MTSS1: variants seen among roughly 807,000 people sequenced by gnomAD.
The protein encoded by MTSS1 is MTSS I-BAR domain containing 1, also known as protein MTSS 1.
A neutral mutation model predicts 79.0 loss-of-function variants in MTSS1; 18 were observed. The ratio of observed to expected loss-of-function variants is 0.23; its 90% CI spans 0.16 to 0.34. MTSS1 has a LOEUF of 0.34. Ranked by LOEUF, MTSS1 falls within the 10% of genes least tolerant of loss-of-function variation. The pLI is 1.00. For synonymous variants in MTSS1, 341 were observed against 368.6 expected, an observed-to-expected ratio of 0.93 and a Z score of 0.86; for missense variants, 815 against 986.2, an observed-to-expected ratio of 0.83 and a Z score of 2.33.
At chr8:124,557,945 A>T (rs1396790133) in intron 10 of MTSS1, 70 bp from the exon 11 acceptor site, 2 of 1,243,038 alleles carry the variant, frequency 1.6e-6, no homozygotes, top group African/African-American at 3.0e-5. Flanking sequence ...GCGGAGATAC[A>T]AAATGGCATT....
chr8:124,631,532 G>A (rs928696877), intron 3 of MTSS1, among the ~76,000 whole-genome samples: 6 of 152,132 alleles, frequency 3.9e-5, no homozygotes, highest in African/African-American at 7.2e-5. Context: ...TGACCTCACC[G>A]TGCACCAGAC....
At chr8:124,722,355 G>A (rs368167735) in intron 1 of MTSS1, among the ~76,000 whole-genome samples, 25 of 152,118 alleles carry the variant, frequency 1.6e-4, no homozygotes, top group African/African-American at 2.9e-4. Context: ...CAAACAAATC[G>A]GGAAGCAGGC....
Position 124,665,867 on chromosome 8 carries a change from C to CAAAAAA in MTSS1, c.208+33653_208+33658dup, listed in dbSNP as rs61669209. 1.7e-3 allele frequency among the ~76,000 whole-genome samples: 179 copies of CAAAAAA among 102,870 alleles called. 1 individual carries two copies. The highest frequency in any genetic ancestry group is 6.0e-3 in the African/African-American group (174 of 29,168). The allele number at this position is 102,870 out of a possible 152,430, so 67.5% of individuals were successfully genotyped here. On this transcript the variant is annotated intron_variant, in intron 3 of 13. Transcript: ENST00000518547. ...GGGCAATACGAGTGAAACTCCTTCT[C>CAAAAAA]AAAAAAAAAAAAAAAAAAATCTGGC...
At chr8:124,666,043 A>T (rs1039453326) in intron 3 of MTSS1, among the ~76,000 whole-genome samples, 1 of 152,214 alleles carries the variant, frequency 6.6e-6, no homozygotes, top group Non-Finnish European at 1.5e-5. Context: ...GAATTCAGAG[A>T]CAACACACAT....
rs1830635544 is a variant in MTSS1, at chr8:124,585,160, T to C, written c.387A>G (p.Glu129=). 6.2e-7 allele frequency: 1 copy of C among 1,611,764 alleles called. No individual in the cohort carries two copies. Among genetic ancestry groups the C allele is most frequent in the South Asian group, 1.1e-5 (1 of 90,712 alleles). The change falls in exon 6 of 14, where the codon GAA becomes GAG. Residue 129 remains glutamate (E), a splice_region_variant and synonymous_variant. Transcript: ENST00000518547. ...ANQLDKDHAK[E]YKKARQEIKK... ...TTATCTCTTGGCGGGCTTTCTTATATTCTAAGAGAAAGCAGAATATGGAAC... is the reference window on the plus strand; with the variant it reads ...TTATCTCTTGGCGGGCTTTCTTATACTCTAAGAGAAAGCAGAATATGGAAC...
At chr8:124,716,126 T>C (rs1001091304) in intron 1 of MTSS1, among the ~76,000 whole-genome samples, 3 of 152,184 alleles carry the variant, frequency 2.0e-5, no homozygotes, top group African/African-American at 7.2e-5. Context: ...GAACGCAGTC[T>C]AGCAGTAAAG....
At chr8:124,613,803 C>A (rs1384279323) in intron 3 of MTSS1, among the ~76,000 whole-genome samples, 2 of 152,226 alleles carry the variant, frequency 1.3e-5, no homozygotes, top group Non-Finnish European at 2.9e-5. Context: ...CCATCCCTTT[C>A]TTTCCTTTTG....
chr8:124,620,099 C>T (rs942002195), intron 3 of MTSS1, among the ~76,000 whole-genome samples: 4 of 152,146 alleles, frequency 2.6e-5, no homozygotes, highest in African/African-American at 9.7e-5. Flanking sequence ...GCATGCGCCA[C>T]CATGCCTGGC....
chr8:124,709,603 G>A (rs770679677), intron 1 of MTSS1, among the ~76,000 whole-genome samples: 1 of 152,184 alleles, frequency 6.6e-6, no homozygotes, highest in Non-Finnish European at 1.5e-5. Context: ...TTGGCAGTGC[G>A]TTCGTTGAAA....
At chr8:124,659,809 G>C (rs529467602) in intron 3 of MTSS1, among the ~76,000 whole-genome samples, 1 of 152,298 alleles carries the variant, frequency 6.6e-6, no homozygotes, top group Admixed American at 6.5e-5. Context: ...CAAATGCAGT[G>C]GCTATTTCTA....
intron 3 of MTSS1, among the ~76,000 whole-genome samples, chr8:124,650,660 T>G (rs1306218149): frequency 6.6e-6 from 1 of 151,882 alleles, no homozygotes; most frequent in East Asian, 1.9e-4. Flanking sequence ...ATGCAACTGA[T>G]CCTAACAAAC....
chr8:124,706,044 G>C (rs1005159139), intron 1 of MTSS1, among the ~76,000 whole-genome samples: 3 of 152,144 alleles, frequency 2.0e-5, no homozygotes, highest in Admixed American at 2.0e-4. Context: ...TATTACTTCA[G>C]TTTCATTTTC....
intron 6 of MTSS1, among the ~76,000 whole-genome samples, chr8:124,569,764 G>A (rs1257072557): frequency 1.3e-5 from 2 of 152,178 alleles, no homozygotes; most frequent in African/African-American, 4.8e-5. Flanking sequence ...AGCTGGAAGG[G>A]GTTATCCAAT....
intron 3 of MTSS1, among the ~76,000 whole-genome samples, chr8:124,594,493 G>A (rs1832415942): frequency 6.6e-6 from 1 of 152,152 alleles, no homozygotes; most frequent in East Asian, 1.9e-4. Context: ...CTGCGCCACT[G>A]CACTTCAACC....
intron 3 of MTSS1, among the ~76,000 whole-genome samples, chr8:124,602,217 T>G (rs1187685284): frequency 1.2e-4 from 11 of 89,028 alleles, no homozygotes; most frequent in African/African-American, 5.6e-4. Context: ...AATTTTTTTT[T>G]GAGACACGGT....
At chr8:124,609,486 G>A (rs896076542) in intron 3 of MTSS1, among the ~76,000 whole-genome samples, 11 of 152,212 alleles carry the variant, frequency 7.2e-5, no homozygotes, top group African/African-American at 2.4e-4. Context: ...CCTTCAGAGT[G>A]ACTTGGTATA....
intron 1 of MTSS1, among the ~76,000 whole-genome samples, chr8:124,724,974 G>A (rs1427880215): frequency 2.0e-5 from 3 of 152,118 alleles, no homozygotes; most frequent in African/African-American, 4.8e-5. Context: ...AATTTGATCA[G>A]CGATTTACTA....
intron 3 of MTSS1, among the ~76,000 whole-genome samples, chr8:124,641,552 C>T (rs1005830738): frequency 2.6e-5 from 4 of 152,166 alleles, no homozygotes; most frequent in Non-Finnish European, 2.9e-5. Flanking sequence ...ACTCAATAAA[C>T]GGGCTCTTTA....
In MTSS1 at chr8:124,605,963, A is replaced by ATT. The variant is rs35985246; in HGVS notation, c.209-14730_209-14729dup. Among the ~76,000 whole-genome samples the ATT allele has an allele frequency of 6.9e-4, 73 of 105,980 alleles. 1 individual carries two copies. The highest frequency in any genetic ancestry group is 8.4e-4 in the Non-Finnish European group (46 of 54,622). 69.5% of individuals were successfully genotyped at this position (105,980 alleles called of 152,430 possible). A position where few individuals can be genotyped will look rare whatever the true frequency, so the allele number is the denominator to read the frequency against. The stretch of plus-strand genomic sequence containing the variant: ...GGTACCATTATAAAGTAGGTATCTC[A>ATT]TTTTTTTTTTTTTTTTTTTTTGAGA... On this transcript the variant is annotated intron_variant, in intron 3 of 13. Transcript: ENST00000518547.
Sources: gnomAD v4.1 joint callset for allele counts (sites outside exome capture counted in the v4.1 genomes callset) on GRCh38, gnomAD v4.1.1 for gene constraint, MANE v1.5 for transcripts, NCBI Gene and HGNC (gene_info 2026-07-23, HGNC 2026-07-21) for gene names.